Variants in PDE4D observed in about 807,000 individuals in gnomAD.
PDE4D encodes the protein 3',5'-cyclic-AMP phosphodiesterase 4D.
Under a neutral mutation model 87.4 loss-of-function variants are expected in PDE4D, and 24 were observed. The observed-to-expected ratio is 0.27, with a 90% CI of 0.20 to 0.39. PDE4D has a LOEUF of 0.39. Ranked by LOEUF, PDE4D falls within the 10% of genes least tolerant of loss-of-function variation. PDE4D has a pLI of 1.00. For synonymous variants in PDE4D, 384 were observed against 383.2 expected (o/e 1.00, Z -0.02); for missense variants, 714 against 1,041.0 (o/e 0.69, Z 4.32).
intron 1 of PDE4D, among the ~76,000 whole-genome samples, chr5:59,456,524 C>T (rs1799956146): frequency 6.6e-6 from 1 of 152,172 alleles, no homozygotes; most frequent in Admixed American, 6.6e-5. Context: ...CAGACTAATA[C>T]AATACACAAG....
chr5:59,469,951 G>C (rs1452312419), intron 1 of PDE4D, among the ~76,000 whole-genome samples: 1 of 152,068 alleles, frequency 6.6e-6, no homozygotes, highest in African/African-American at 2.4e-5. Context: ...TCTTGCTTTT[G>C]ACCACGCCAG....
intron 1 of PDE4D, among the ~76,000 whole-genome samples, chr5:59,345,840 C>T (rs1779526039): frequency 6.6e-6 from 1 of 152,178 alleles, no homozygotes. Flanking sequence ...AATCCTACCT[C>T]TTGGGATATA....
At chr5:60,270,689 C>T (rs1750719741) in intron 1 of PDE4D, among the ~76,000 whole-genome samples, 1 of 149,612 alleles carries the variant, frequency 6.7e-6, no homozygotes, top group South Asian at 2.1e-4. Flanking sequence ...ATTTTGAGCT[C>T]TCCATGACAT....
chr5:59,006,744 A>T (rs1036262422), intron 6 of PDE4D, among the ~76,000 whole-genome samples: 1 of 152,226 alleles, frequency 6.6e-6, no homozygotes, highest in South Asian at 2.1e-4. Flanking sequence ...GAACTATTTC[A>T]GTACATTTCA....
chr5:59,464,316 C>T (rs964751783), intron 1 of PDE4D, among the ~76,000 whole-genome samples: 34 of 151,382 alleles, frequency 2.2e-4, no homozygotes, highest in African/African-American at 8.3e-4. Flanking sequence ...GAATGTCTCA[C>T]TATAAAACCC....
chr5:60,489,533 A>G (rs1749406195), upstream of PDE4D: 1 of 152,342 alleles, frequency 6.6e-6, no homozygotes, highest in East Asian at 1.9e-4. Context: ...AAACAGAAAA[A>G]GTAATCCATT....
Position 59,254,759 on chromosome 5 carries a change from C to T in PDE4D, c.456-38791G>A, listed in dbSNP as rs112751293. ...GCCCCCTTCTACCTCAGATTCCAAA[C>T]GTGTAGCCACCTCTTCCTCAAAGCT... On this transcript the variant is annotated intron_variant, in intron 1 of 14. Transcript: ENST00000340635. Among the ~76,000 whole-genome samples the T allele has an allele frequency of 9.9e-5, 15 of 152,242 alleles. 2 individuals carry two copies. The highest frequency in any genetic ancestry group is 4.1e-4 in the South Asian group (2 of 4,832).
chr5:60,486,994 T>C (rs1422275897), intron 1 of PDE4D, among the ~76,000 whole-genome samples: 1 of 152,226 alleles, frequency 6.6e-6, no homozygotes, highest in African/African-American at 2.4e-5. Flanking sequence ...TTTTTTATGA[T>C]AGGCTAGGGG....
At chr5:60,427,513 T>A (rs1209672544) in intron 1 of PDE4D, among the ~76,000 whole-genome samples, 1 of 151,892 alleles carries the variant, frequency 6.6e-6, no homozygotes, top group Non-Finnish European at 1.5e-5. Context: ...TTCAGATAAA[T>A]AAAAGCTGAG....
chr5:59,229,247 T>G lies in PDE4D; in HGVS notation c.456-13279A>C, dbSNP rs928376348. 2.5e-4 allele frequency among the ~76,000 whole-genome samples: 38 copies of G among 152,192 alleles called. 1 individual carries two copies. The highest frequency in any genetic ancestry group is 2.4e-3 in the Admixed American group (36 of 15,280). On this transcript the variant is annotated intron_variant, in intron 1 of 14. Coordinates refer to ENST00000340635, the MANE Select transcript of PDE4D (RefSeq NM_001104631.2). Reference sequence around the variant, plus strand: ...AATAAATATTTGTATCGTGAATACATGGGTATCTTTAGACGCAGCGGTACT... The same window carrying G: ...AATAAATATTTGTATCGTGAATACAGGGGTATCTTTAGACGCAGCGGTACT...
chr5:59,837,592 C>A (rs1319559884), intron 1 of PDE4D, among the ~76,000 whole-genome samples: 3 of 152,064 alleles, frequency 2.0e-5, no homozygotes, highest in Non-Finnish European at 4.4e-5. Flanking sequence ...TCTCCCTCAG[C>A]AACTAGCAGG....
At chr5:59,323,034 A>C (rs1025317775) in intron 1 of PDE4D, among the ~76,000 whole-genome samples, 1 of 152,112 alleles carries the variant, frequency 6.6e-6, no homozygotes, top group Non-Finnish European at 1.5e-5. Context: ...TTTCTCTTGG[A>C]ATCTCAACAG....
chr5:59,239,627 T>G (rs1446122182), intron 1 of PDE4D, among the ~76,000 whole-genome samples: 1 of 152,204 alleles, frequency 6.6e-6, no homozygotes, highest in Non-Finnish European at 1.5e-5. Flanking sequence ...AATTTGTATT[T>G]TTATCCATTA....
At chr5:59,848,103 T>A (rs1219901657) in intron 1 of PDE4D, among the ~76,000 whole-genome samples, 1 of 152,018 alleles carries the variant, frequency 6.6e-6, no homozygotes, top group Non-Finnish European at 1.5e-5. Context: ...ACGATAAAAA[T>A]CTGGCTGGTT....
At chr5:60,390,136 C>G (rs1485889454) in intron 1 of PDE4D, among the ~76,000 whole-genome samples, 1 of 152,220 alleles carries the variant, frequency 6.6e-6, no homozygotes, top group African/African-American at 2.4e-5. Flanking sequence ...CTTCTTAGCT[C>G]TGGGTGTCCA....
At chr5:60,405,694 G>A (rs1741468577) in intron 1 of PDE4D, among the ~76,000 whole-genome samples, 3 of 152,184 alleles carry the variant, frequency 2.0e-5, no homozygotes, top group African/African-American at 7.2e-5. Flanking sequence ...AATATTTGCT[G>A]GGTATAAAGC....
chr5:59,860,201 G>A (rs1426402367), intron 1 of PDE4D, among the ~76,000 whole-genome samples: 1 of 152,166 alleles, frequency 6.6e-6, no homozygotes, highest in Admixed American at 6.5e-5. Flanking sequence ...GATAGGTTGA[G>A]CAAGGATAAC....
At chr5:59,662,313 C>G (rs1369772851) in intron 1 of PDE4D, among the ~76,000 whole-genome samples, 3 of 152,202 alleles carry the variant, frequency 2.0e-5, no homozygotes, top group Non-Finnish European at 4.4e-5. Flanking sequence ...CTTTGAAAAT[C>G]TTATTTGTCA....
intron 1 of PDE4D, among the ~76,000 whole-genome samples, chr5:60,252,101 G>A (rs149514721): frequency 6.6e-6 from 1 of 152,018 alleles, no homozygotes; most frequent in African/African-American, 2.4e-5. Context: ...TAACCTAGGT[G>A]TATACTAAGC....
Sources: allele counts gnomAD v4.1 joint callset (sites outside exome capture counted in the v4.1 genomes callset), GRCh38; gene constraint gnomAD v4.1.1; transcripts MANE v1.5; gene names NCBI Gene and HGNC (gene_info 2026-07-23, HGNC 2026-07-21).